The following MAP3K15 variants were observed in gnomAD, a reference collection of about 807,000 sequenced individuals.
MAP3K15 encodes the protein MAPK/ERK kinase kinase 15.
Under a neutral mutation model 99.5 loss-of-function variants are expected in MAP3K15, and 124 were observed. That is an observed-to-expected ratio of 1.25 (90% CI 1.08 to 1.45). The LOEUF is 1.45. Among genes scored for constraint, MAP3K15 ranks in the 40% most tolerant of loss-of-function variants. MAP3K15 has a pLI of 0.00. For missense variants in MAP3K15, 1,242 were observed against 1,079.7 expected (o/e 1.15, Z -2.11); for synonymous variants, 494 against 439.6 (o/e 1.12, Z -1.55).
intron 1 of MAP3K15, among the ~76,000 whole-genome samples, chrX:19,494,500 A>G (rs1173223017): frequency 8.9e-6 from 1 of 112,107 alleles, no homozygotes; most frequent in Non-Finnish European, 1.9e-5. Context: ...TAGTTCGTTG[A>G]AAACTTTTGA....
chrX:19,436,325 T>A (rs185546157), intron 6 of MAP3K15, among the ~76,000 whole-genome samples: 2 of 110,951 alleles, frequency 1.8e-5, no homozygotes, highest in East Asian at 5.7e-4. Flanking sequence ...CTATTTCACA[T>A]ACATGTGCAT....
intron 6 of MAP3K15, among the ~76,000 whole-genome samples, chrX:19,439,515 G>T (rs1188249245): frequency 2.7e-5 from 3 of 111,430 alleles, no homozygotes. Flanking sequence ...ACCCAGGTTG[G>T]AATACTGTGG....
intron 11 of MAP3K15, among the ~76,000 whole-genome samples, chrX:19,412,731 A>C (rs756564736): frequency 1.4e-4 from 16 of 110,952 alleles, no homozygotes; most frequent in Non-Finnish European, 2.5e-4. Flanking sequence ...GCTTCTAAAA[A>C]TATATTACTA....
chrX:19,501,782 A>G (rs1231463469), intron 1 of MAP3K15, among the ~76,000 whole-genome samples: 2 of 112,195 alleles, frequency 1.8e-5, no homozygotes, highest in African/African-American at 6.5e-5. Context: ...TAATTATTTA[A>G]GGGCTGGGTG....
intron 1 of MAP3K15, among the ~76,000 whole-genome samples, chrX:19,511,720 G>A (rs1171860157): frequency 8.9e-6 from 1 of 112,051 alleles, no homozygotes; most frequent in Admixed American, 9.4e-5. Flanking sequence ...ACTGTTGGTG[G>A]GAGTGTGAAT....
chrX:19,400,711 C>T, intron 13 of MAP3K15, 48 bp from the exon 14 acceptor site: 1 of 875,667 alleles, frequency 1.1e-6, no homozygotes, highest in Non-Finnish European at 1.6e-6. Flanking sequence ...GAACTGCTCT[C>T]ATTCCTTGTT....
intron 1 of MAP3K15, among the ~76,000 whole-genome samples, chrX:19,502,272 C>T (rs190779376): frequency 3.6e-5 from 4 of 110,521 alleles, no homozygotes; most frequent in Admixed American, 9.7e-5. Flanking sequence ...CACCTCATCT[C>T]GAGTTATAAT....
chrX:19,422,201 G>A (rs1187706633), intron 9 of MAP3K15, among the ~76,000 whole-genome samples: 1 of 110,435 alleles, frequency 9.1e-6, no homozygotes, highest in East Asian at 2.8e-4. Flanking sequence ...AAACTAAAGA[G>A]CTTCTGCACA....
In MAP3K15 at chrX:19,361,389, C is replaced by G; in HGVS notation, c.3807G>C (p.Ser1269=). The G allele has an allele frequency of 8.3e-7, 1 of 1,208,945 alleles. No homozygotes were observed. Among genetic ancestry groups the G allele is most frequent in the Non-Finnish European group, 1.1e-6 (1 of 893,108 alleles). Residue 1269 remains serine, a synonymous_variant, in exon 28 of 29, where the codon TCG becomes TCC. Transcript: ENST00000338883. ...CCTTAGTGATCTCATTAAGAATATCCGAAAGTGTATAACCCTCTTCAACAA... is the reference window on the plus strand; with the variant it reads ...CCTTAGTGATCTCATTAAGAATATCGGAAAGTGTATAACCCTCTTCAACAA... ...EKIVEEGYTL[S]DILNEITKED... is the part of the protein sequence containing the mutation.
At chrX:19,487,129 T>TG (rs370200376) in intron 2 of MAP3K15, among the ~76,000 whole-genome samples, 1,157 of 33,570 alleles carry the variant, frequency 0.034, 17 homozygotes, top group African/African-American at 0.048. Context: ...TTTCTGGGGG[T>TG]GGGGGGGGGG....
Position 19,371,340 on chromosome X carries a change from C to T in MAP3K15, c.3294+5G>A, listed in dbSNP as rs1222746734. 1 of 1,201,013 alleles carries T rather than the reference C, an allele frequency of 8.3e-7. No individual in the cohort carries two copies. Among genetic ancestry groups the T allele is most frequent in the South Asian group, 1.8e-5 (1 of 56,256 alleles). On this transcript the variant is annotated splice_donor_5th_base_variant and intron_variant, in intron 23 of 28. Coordinates refer to ENST00000338883, the MANE Select transcript of MAP3K15 (RefSeq NM_001001671.4). ...GTGTTCCCTAGGGCCAGATGGAGCA[C>T]TTACGGCATCCTGAAATCCGAACAG... is the stretch of plus-strand genomic sequence containing the variant.
Position 19,407,298 on chromosome X carries a change from A to G in MAP3K15, c.1749-15T>C, listed in dbSNP as rs192521392. 19 of 1,048,600 alleles carry G rather than the reference A, an allele frequency of 1.8e-5. No individual in the cohort carries two copies. The African/African-American group carries it at 3.4e-4, about 19-fold the overall frequency. The allele number at this position is 1,048,600 out of a possible 1,213,427, so 86.4% of individuals were successfully genotyped here. A position where few individuals can be genotyped will look rare whatever the true frequency, so the allele number is the denominator to read the frequency against. ...ACTTTGATAGGCTGTAAAATTTCAA[A>G]GCATAATGTTTATACATAAGTTATG... On this transcript the variant is annotated splice_polypyrimidine_tract_variant and intron_variant, in intron 12 of 28. Transcript: ENST00000338883.
At chrX:19,395,291 A>G (rs2147252197) in intron 15 of MAP3K15, 83 bp from the exon 16 acceptor site, 1 of 949,826 alleles carries the variant, frequency 1.1e-6, no homozygotes, top group East Asian at 3.3e-5. Flanking sequence ...GACCTGCCCC[A>G]CTGCTGCCCA....
intron 20 of MAP3K15, 134 bp downstream of exon 20, chrX:19,374,343 T>G (rs1270302961): frequency 3.5e-6 from 2 of 575,065 alleles, no homozygotes; most frequent in African/African-American, 4.6e-5. Flanking sequence ...CCGTCACTCT[T>G]CACAAAAATG....
intron 1 of MAP3K15, among the ~76,000 whole-genome samples, chrX:19,510,267 T>G (rs1170742076): frequency 1.8e-5 from 2 of 111,442 alleles, no homozygotes; most frequent in Non-Finnish European, 3.8e-5. Flanking sequence ...AAAGAAAATT[T>G]CAGGATGAAC....
intron 18 of MAP3K15, among the ~76,000 whole-genome samples, chrX:19,385,419 A>G (rs1449992092): frequency 3.6e-5 from 4 of 111,642 alleles, no homozygotes; most frequent in Non-Finnish European, 5.6e-5. Context: ...GTCACACACC[A>G]TCACTCCCAC....
intron 19 of MAP3K15, among the ~76,000 whole-genome samples, chrX:19,378,082 C>T (rs113867298): frequency 2.7e-5 from 3 of 112,676 alleles, no homozygotes; most frequent in South Asian, 3.6e-4. Context: ...TGCACTCACA[C>T]CTCCAAGTTC....
chrX:19,455,472 G>A (rs1384474470), intron 6 of MAP3K15, among the ~76,000 whole-genome samples: 3 of 100,849 alleles, frequency 3.0e-5, no homozygotes, highest in African/African-American at 1.1e-4. Context: ...AGCCTCCTGA[G>A]TAGCTGAGAG....
intron 7 of MAP3K15, among the ~76,000 whole-genome samples, chrX:19,429,523 C>G (rs139133591): frequency 2.6e-4 from 29 of 110,032 alleles, no homozygotes; most frequent in African/African-American, 8.2e-4. Flanking sequence ...GGAAGCCATA[C>G]CTTGTGGAGA....
Sources: gnomAD v4.1 joint callset for allele counts (sites outside exome capture counted in the v4.1 genomes callset) on GRCh38, gnomAD v4.1.1 for gene constraint, MANE v1.5 for transcripts, NCBI Gene and HGNC (gene_info 2026-07-23, HGNC 2026-07-21) for gene names.